MYOZ2: variants seen among roughly 807,000 people sequenced by gnomAD.
MYOZ2 encodes myozenin-2.
Under a neutral mutation model 25.4 loss-of-function variants are expected in MYOZ2, and 19 were observed. The ratio of observed to expected loss-of-function variants is 0.75; its 90% CI spans 0.52 to 1.10. The LOEUF is 1.10. Ranked by LOEUF, MYOZ2 falls within the 50% of genes least tolerant of loss-of-function variation. MYOZ2 has a pLI of 0.00. For missense variants in MYOZ2, 270 were observed against 317.9 expected, an observed-to-expected ratio of 0.85 and a Z score of 1.15; for synonymous variants, 92 against 106.9, an observed-to-expected ratio of 0.86 and a Z score of 0.86.
At chr4:119,149,996 C>T (rs1741410148) in intron 2 of MYOZ2, among the ~76,000 whole-genome samples, 2 of 152,090 alleles carry the variant, frequency 1.3e-5, no homozygotes, top group Admixed American at 1.3e-4. Context: ...ATTTTTCTTC[C>T]TATGCATTTA....
chr4:119,161,336 G>T (rs1741705569), intron 4 of MYOZ2, among the ~76,000 whole-genome samples: 2 of 152,078 alleles, frequency 1.3e-5, no homozygotes, highest in Non-Finnish European at 2.9e-5. Context: ...AAGTTGAAAA[G>T]TACAATAAGC....
intron 4 of MYOZ2, among the ~76,000 whole-genome samples, chr4:119,161,525 TCAAA>T (rs1171723751): frequency 6.6e-6 from 1 of 152,038 alleles, no homozygotes; most frequent in Non-Finnish European, 1.5e-5. Flanking sequence ...TATTTAAAAA[TCAAA>T]CAAGAAATGT....
chr4:119,185,955 A>G lies in MYOZ2; in HGVS notation c.561-11A>G. ...TTAATTGAGATCTGTTTTTTTTTTA[A>G]TTTCCCACAGGGTTGCCACACCATT... is the stretch of plus-strand genomic sequence containing the variant. On this transcript the variant is annotated splice_polypyrimidine_tract_variant and intron_variant, in intron 5 of 5. Coordinates refer to ENST00000307128, the MANE Select transcript of MYOZ2 (RefSeq NM_016599.5). 6.3e-7 allele frequency: 1 copy of G among 1,594,534 alleles called. No individual in the cohort carries two copies. Among genetic ancestry groups the G allele is most frequent in the Non-Finnish European group, 8.6e-7 (1 of 1,168,952 alleles).
chr4:119,175,568 A>G lies in MYOZ2; in HGVS notation c.561-10398A>G, dbSNP rs184397544. On this transcript the variant is annotated intron_variant, in intron 5 of 5. Coordinates refer to ENST00000307128, the MANE Select transcript of MYOZ2 (RefSeq NM_016599.5). ...GGAGTTCGAGACCACCCTGGCCAAC[A>G]TGGTGAAACTCTGTTTCTACTAAAA... 4.7e-4 allele frequency among the ~76,000 whole-genome samples: 72 copies of G among 152,176 alleles called. No individual in the cohort carries two copies. The East Asian group carries it at 0.012, about 26-fold the overall frequency.
intron 5 of MYOZ2, among the ~76,000 whole-genome samples, chr4:119,171,816 A>AACAC (rs35658721): frequency 2.9e-4 from 43 of 149,328 alleles, no homozygotes; most frequent in Non-Finnish European, 4.8e-4. Flanking sequence ...CAAACACACA[A>AACAC]ACACACACAC....
chr4:119,174,714 A>C (rs1742018572), intron 5 of MYOZ2, among the ~76,000 whole-genome samples: 1 of 152,202 alleles, frequency 6.6e-6, no homozygotes, highest in Non-Finnish European at 1.5e-5. Flanking sequence ...AGAGAATAAA[A>C]GCAGGCTGCC....
rs1742297100 is a variant in MYOZ2, at chr4:119,186,435, G to A, written c.*235G>A. ...TCATTCATAATTTTGTTTTCACCTG[G>A]TTTAAAGAATCCAGATATTTTACTG... On this transcript the variant is annotated 3_prime_UTR_variant, in exon 6 of 6. Transcript: ENST00000307128. The A allele has an allele frequency of 8.0e-6, 4 of 498,738 alleles. No homozygotes were observed. The highest frequency in any genetic ancestry group is 1.4e-5 in the Non-Finnish European group (4 of 282,996). 30.9% of individuals were successfully genotyped at this position (498,738 alleles called of 1,614,324 possible).
chr4:119,174,856 C>T lies in MYOZ2; in HGVS notation c.560+10462C>T, dbSNP rs191218489. On this transcript the variant is annotated intron_variant, in intron 5 of 5. Coordinates refer to ENST00000307128, the MANE Select transcript of MYOZ2 (RefSeq NM_016599.5). Reference sequence around the variant, plus strand: ...TGCTTTTATGAGCTGTAACAGTCACCGCAAAGATCTGCAGCTTCACTCCTG... The same window carrying T: ...TGCTTTTATGAGCTGTAACAGTCACTGCAAAGATCTGCAGCTTCACTCCTG... Among the ~76,000 whole-genome samples, 726 of 152,136 alleles carry T rather than the reference C, an allele frequency of 4.8e-3. 22 individuals carry two copies. The highest frequency in any genetic ancestry group is 0.044 in the Admixed American group (678 of 15,276).
chr4:119,171,727 T>C (rs928129647), intron 5 of MYOZ2, among the ~76,000 whole-genome samples: 2 of 149,260 alleles, frequency 1.3e-5, no homozygotes, highest in African/African-American at 4.9e-5. Flanking sequence ...TATTTTATTT[T>C]ATTTTCTGAT....
intron 2 of MYOZ2, among the ~76,000 whole-genome samples, chr4:119,142,744 T>C (rs993244131): frequency 6.6e-6 from 1 of 152,250 alleles, no homozygotes; most frequent in Non-Finnish European, 1.5e-5. Context: ...ATTTTAATAA[T>C]AGACTTTATT....
intron 2 of MYOZ2, among the ~76,000 whole-genome samples, chr4:119,146,283 C>T (rs192853680): frequency 0.011 from 1,717 of 151,026 alleles, 21 homozygotes; most frequent in Non-Finnish European, 0.018. Context: ...TTATTTTGTT[C>T]ATCTTTTTTT....
chr4:119,180,996 C>T (rs575948700), intron 5 of MYOZ2, among the ~76,000 whole-genome samples: 1 of 152,298 alleles, frequency 6.6e-6, no homozygotes, highest in East Asian at 1.9e-4. Flanking sequence ...TAAGTCCATG[C>T]ATATCTATAA....
intron 2 of MYOZ2, among the ~76,000 whole-genome samples, chr4:119,150,606 A>T (rs1741425190): frequency 1.3e-5 from 2 of 151,944 alleles, no homozygotes; most frequent in African/African-American, 2.4e-5. Flanking sequence ...ATTACAGCTA[A>T]CTTTTTAATT....
chr4:119,145,700 G>C (rs1043737090), intron 2 of MYOZ2, among the ~76,000 whole-genome samples: 9 of 152,174 alleles, frequency 5.9e-5, no homozygotes, highest in Non-Finnish European at 1.3e-4. Context: ...TCTTTCTCTG[G>C]CTTTGGTATC....
intron 4 of MYOZ2, among the ~76,000 whole-genome samples, chr4:119,159,444 TC>T (rs1235504358): frequency 1.3e-5 from 2 of 152,150 alleles, no homozygotes; most frequent in Non-Finnish European, 2.9e-5. Context: ...GAGAATCAAC[TC>T]CTTATTCAGT....
intron 5 of MYOZ2, among the ~76,000 whole-genome samples, chr4:119,173,706 G>A (rs531290826): frequency 6.6e-6 from 1 of 152,336 alleles, no homozygotes; most frequent in East Asian, 1.9e-4. Context: ...TCAGCCCACC[G>A]CTGCACTGTG....
intron 5 of MYOZ2, among the ~76,000 whole-genome samples, chr4:119,177,209 C>T (rs1028167309): frequency 3.3e-5 from 5 of 152,302 alleles, no homozygotes; most frequent in African/African-American, 4.8e-5. Flanking sequence ...TTCCATTTTA[C>T]ACACATCTCA....
intron 5 of MYOZ2, among the ~76,000 whole-genome samples, chr4:119,169,159 T>C (rs1578741286): frequency 6.6e-6 from 1 of 152,224 alleles, no homozygotes; most frequent in Non-Finnish European, 1.5e-5. Context: ...CAATAAAATA[T>C]TTGAAACTAA....
chr4:119,138,723 T>C (rs1261540125), intron 2 of MYOZ2, among the ~76,000 whole-genome samples: 1 of 152,044 alleles, frequency 6.6e-6, no homozygotes, highest in Non-Finnish European at 1.5e-5. Context: ...TGCATCAGAA[T>C]TTTTTTTCAG....
Sources: allele counts gnomAD v4.1 joint callset (sites outside exome capture counted in the v4.1 genomes callset), GRCh38; gene constraint gnomAD v4.1.1; transcripts MANE v1.5; gene names NCBI Gene and HGNC (gene_info 2026-07-23, HGNC 2026-07-21).